Variants in RERE observed in about 807,000 individuals in gnomAD.
RERE encodes the protein arginine-glutamic acid dipeptide repeats protein.
In RERE, 40 loss-of-function variants were observed where a neutral mutation model predicts 146.1. The ratio of observed to expected loss-of-function variants is 0.27; its 90% CI spans 0.21 to 0.36. RERE has a LOEUF of 0.36. RERE is among the 10% of genes least tolerant of loss of function. The probability of loss-of-function intolerance (pLI) is 1.00; values close to 1 mark genes in which losing one functional copy is unlikely to be tolerated. For missense variants in RERE, 1,933 were observed against 2,138.7 expected (o/e 0.90, Z 1.90); for synonymous variants, 1,003 against 866.0 (o/e 1.16, Z -2.78).
At chr1:8,606,175 C>A (rs1296465819) in intron 4 of RERE, among the ~76,000 whole-genome samples, 1 of 152,032 alleles carries the variant, frequency 6.6e-6, no homozygotes, top group Non-Finnish European at 1.5e-5. Flanking sequence ...CCACCAATTA[C>A]CATGTAATAT....
At chr1:8,362,157 G>A (rs1420366980) in intron 16 of RERE, among the ~76,000 whole-genome samples, 1 of 152,190 alleles carries the variant, frequency 6.6e-6, no homozygotes, top group Non-Finnish European at 1.5e-5. Context: ...TATACTGAAC[G>A]TGCACACAAT....
At chr1:8,747,042 C>T (rs1053781520) in intron 1 of RERE, among the ~76,000 whole-genome samples, 2 of 151,708 alleles carry the variant, frequency 1.3e-5, no homozygotes, top group African/African-American at 4.8e-5. Context: ...GACGGAGTCT[C>T]GCTCTGTCGC....
At chr1:8,655,070 A>T (rs1638238890) in intron 2 of RERE, among the ~76,000 whole-genome samples, 1 of 152,216 alleles carries the variant, frequency 6.6e-6, no homozygotes, top group Non-Finnish European at 1.5e-5. Flanking sequence ...AAGCCACAAT[A>T]TACTGGTGTG....
intron 7 of RERE, among the ~76,000 whole-genome samples, chr1:8,512,239 T>C (rs1022234263): frequency 1.3e-5 from 2 of 149,336 alleles, no homozygotes; most frequent in Admixed American, 6.7e-5. Flanking sequence ...TTCACCTTGT[T>C]AGCCAGGATG....
Position 8,359,883 on chromosome 1 carries a change from T to C in RERE, c.3499A>G (p.Ile1167Val). Residue 1167 changes from isoleucine (I) to valine (V), a missense_variant, in exon 19 of 23, where the codon ATT becomes GTT. This residue lies in a region of RERE where 1,255 missense variants were observed against 1,153.8 expected (regional missense o/e 1.09). Coordinates refer to ENST00000400908, the MANE Select transcript of RERE (RefSeq NM_001042681.2). ...TCAGCCTCGCGCTTGGCCTTCTCAA[T>C]GGCCTCCTCCCTCTTCTTGGCCAGC... The part of the protein sequence containing the change: ...SKLAKKREEA[I>V]EKAKREAEQK... The C allele has an allele frequency of 1.2e-6, 2 of 1,613,180 alleles. No homozygotes were observed. The highest frequency in any genetic ancestry group is 1.1e-5 in the South Asian group (1 of 91,080).
chr1:8,555,507 C>A (rs1482544355), intron 6 of RERE, among the ~76,000 whole-genome samples: 1 of 152,152 alleles, frequency 6.6e-6, no homozygotes, highest in Non-Finnish European at 1.5e-5. Context: ...TTCCTGAATA[C>A]CATCTGAGCA....
chr1:8,472,406 T>C (rs1644700971), intron 10 of RERE, among the ~76,000 whole-genome samples: 1 of 152,202 alleles, frequency 6.6e-6, no homozygotes, highest in African/African-American at 2.4e-5. Context: ...CCCATATTGC[T>C]AAGGTAAAAT....
intron 1 of RERE, among the ~76,000 whole-genome samples, chr1:8,707,166 T>A (rs974655565): frequency 2.0e-5 from 3 of 152,182 alleles, no homozygotes; most frequent in Non-Finnish European, 4.4e-5. Context: ...TTGAGTACCA[T>A]TAACAGATAA....
chr1:8,498,100 C>A (rs1645070005), intron 8 of RERE, among the ~76,000 whole-genome samples: 2 of 152,218 alleles, frequency 1.3e-5, no homozygotes, highest in African/African-American at 4.8e-5. Flanking sequence ...GTGGCTCACG[C>A]CTGTAATCCC....
intron 1 of RERE, among the ~76,000 whole-genome samples, chr1:8,728,318 T>C (rs528033145): frequency 6.6e-6 from 1 of 152,222 alleles, no homozygotes; most frequent in East Asian, 1.9e-4. Context: ...CTTGAAACTT[T>C]CTATCATTCT....
At chr1:8,463,963 C>T (rs796152745) in intron 11 of RERE, among the ~76,000 whole-genome samples, 21 of 152,332 alleles carry the variant, frequency 1.4e-4, no homozygotes, top group African/African-American at 4.3e-4. Flanking sequence ...GTGTTTCTTC[C>T]ACACAGGCTT....
chr1:8,500,825 C>A (rs1426043246), intron 8 of RERE, among the ~76,000 whole-genome samples: 1 of 147,386 alleles, frequency 6.8e-6, no homozygotes, highest in Non-Finnish European at 1.5e-5. Context: ...CCCCGCCGCC[C>A]TGTCTGGGAT....
chr1:8,465,582 C>T (rs985160677), intron 11 of RERE: 5 of 370,860 alleles, frequency 1.3e-5, no homozygotes, highest in African/African-American at 6.3e-5. Context: ...TATATGTCCA[C>T]GGGTTTTAAC....
intron 1 of RERE, chr1:8,750,344 A>G: frequency 3.3e-6 from 2 of 608,460 alleles, no homozygotes; most frequent in South Asian, 3.9e-5. Context: ...CTACATGTAG[A>G]AACCATTCTG....
chr1:8,669,024 CTG>C (rs59647434), intron 1 of RERE, among the ~76,000 whole-genome samples: 4,420 of 43,568 alleles, frequency 0.1, 229 homozygotes, highest in Middle Eastern at 0.13. Context: ...GCACTCAACT[CTG>C]TGTGTGTGTG....
intron 3 of RERE, among the ~76,000 whole-genome samples, 191 bp downstream of exon 3, chr1:8,624,119 G>GT (rs1231845991): frequency 6.6e-6 from 1 of 152,216 alleles, no homozygotes; most frequent in Non-Finnish European, 1.5e-5. Flanking sequence ...CATTATGAGA[G>GT]TAAGTGTTAC....
At chr1:8,686,193 G>C (rs1205734560) in intron 1 of RERE, among the ~76,000 whole-genome samples, 2 of 152,056 alleles carry the variant, frequency 1.3e-5, no homozygotes, top group Non-Finnish European at 2.9e-5. Flanking sequence ...ATGTTGCCCA[G>C]GATGGTCTTG....
intron 10 of RERE, among the ~76,000 whole-genome samples, chr1:8,489,375 A>G (rs1644946405): frequency 1.3e-5 from 2 of 152,064 alleles, no homozygotes; most frequent in East Asian, 3.9e-4. Context: ...GAAAAAGGAA[A>G]AAAAAATTTT....
chr1:8,484,883 CGG>C, intron 10 of RERE, among the ~76,000 whole-genome samples: 1 of 152,242 alleles, frequency 6.6e-6, no homozygotes, highest in Middle Eastern at 3.4e-3. Context: ...TCCTCTACAG[CGG>C]TACAAAGCTG....
Sources: gnomAD v4.1 joint callset for allele counts (sites outside exome capture counted in the v4.1 genomes callset) on GRCh38, gnomAD v4.1.1 for gene constraint, gnomAD v4.1.1 regional missense constraint, MANE v1.5 for transcripts, NCBI Gene and HGNC (gene_info 2026-07-23, HGNC 2026-07-21) for gene names.